Variants in LMNB1 observed in about 807,000 individuals in gnomAD.
LMNB1 encodes lamin B1, also known as lamin-B1.
In LMNB1, 23 loss-of-function variants were observed where a neutral mutation model predicts 67.1. The ratio of observed to expected loss-of-function variants is 0.34; its 90% CI spans 0.25 to 0.49. LMNB1 has a LOEUF of 0.49. Ranked by LOEUF, LMNB1 falls within the 20% of genes least tolerant of loss-of-function variation. The pLI is 0.99. For missense variants in LMNB1, 634 were observed against 746.5 expected (o/e 0.85, Z 1.76); for synonymous variants, 281 against 282.9 (o/e 0.99, Z 0.07).
chr5:126,813,413 CTTCCCAGT>C (rs1751627266), intron 5 of LMNB1, among the ~76,000 whole-genome samples: 2 of 152,184 alleles, frequency 1.3e-5, no homozygotes. Flanking sequence ...TTCTCTACTC[CTTCCCAGT>C]TTTTCCTTTT....
At chr5:126,831,516 A>G (rs1018043451) in intron 9 of LMNB1, among the ~76,000 whole-genome samples, 11 of 152,230 alleles carry the variant, frequency 7.2e-5, no homozygotes, top group African/African-American at 2.4e-4. Context: ...CCTCACTAGT[A>G]CGTTATTGGT....
intron 7 of LMNB1, 95 bp from the exon 8 acceptor site, chr5:126,822,686 T>A: frequency 1.5e-6 from 1 of 673,730 alleles, no homozygotes; most frequent in South Asian, 2.0e-5. Flanking sequence ...TAAAGCGGTC[T>A]TAGTTTAACT....
intron 7 of LMNB1, among the ~76,000 whole-genome samples, chr5:126,822,468 T>C (rs1182268942): frequency 6.6e-6 from 1 of 152,252 alleles, no homozygotes; most frequent in East Asian, 1.9e-4. Flanking sequence ...TTATGACAGC[T>C]AGATAGTGCT....
At chr5:126,819,179 C>T in intron 6 of LMNB1, 37 bp downstream of exon 6, 1 of 1,379,104 alleles carries the variant, frequency 7.3e-7, no homozygotes, top group Non-Finnish European at 1.0e-6. Flanking sequence ...TTATGGTCCA[C>T]TTTTTGCCTC....
chr5:126,812,565 G>C (rs945581949), intron 5 of LMNB1, among the ~76,000 whole-genome samples: 2 of 152,078 alleles, frequency 1.3e-5, no homozygotes, highest in Non-Finnish European at 2.9e-5. Context: ...TGTCAGTGTG[G>C]ACACAAAGTA....
chr5:126,825,936 C>G lies in LMNB1; in HGVS notation c.1492-52C>G. 5 of 1,610,874 alleles carry G rather than the reference C, an allele frequency of 3.1e-6. No homozygotes were observed. In the South Asian group the frequency reaches 5.5e-5, roughly 18 times the overall value. The stretch of plus-strand genomic sequence containing the variant: ...AGTCTCATCGCATTGCTGTCGTTGG[C>G]GTGTGGGAGAACTGGGTTCTGGGTG... On this transcript the variant is annotated intron_variant, in intron 8 of 10. Transcript: ENST00000261366.
chr5:126,819,607 C>G (rs1751811230), intron 6 of LMNB1, among the ~76,000 whole-genome samples: 2 of 151,900 alleles, frequency 1.3e-5, no homozygotes, highest in South Asian at 4.1e-4. Flanking sequence ...TTGCCTACCT[C>G]AGCCTCCTGA....
At chr5:126,820,572 C>CT (rs1480962353) in intron 6 of LMNB1, among the ~76,000 whole-genome samples, 2 of 152,150 alleles carry the variant, frequency 1.3e-5, no homozygotes, top group African/African-American at 4.8e-5. Flanking sequence ...GTCACCCAGG[C>CT]TAGAGTGCAG....
chr5:126,804,695 G>A (rs1751372535), intron 1 of LMNB1, 81 bp from the exon 2 acceptor site: 3 of 1,288,734 alleles, frequency 2.3e-6, no homozygotes, highest in Non-Finnish European at 3.2e-6. Context: ...TACTTCTTTT[G>A]TTTGTCCCTT....
At chr5:126,796,283 T>C (rs76091763) in intron 1 of LMNB1, among the ~76,000 whole-genome samples, 4,341 of 152,196 alleles carry the variant, frequency 0.029, 78 homozygotes, top group Middle Eastern at 0.11. Context: ...CTTATGGTGC[T>C]GACTGATCTC....
At chr5:126,781,523 G>A (rs541896568) in intron 1 of LMNB1, among the ~76,000 whole-genome samples, 1 of 150,620 alleles carries the variant, frequency 6.6e-6, no homozygotes, top group African/African-American at 2.4e-5. Flanking sequence ...TGCAACCTCC[G>A]CCTCCCAGGT....
intron 5 of LMNB1, among the ~76,000 whole-genome samples, chr5:126,814,186 C>T (rs1301651320): frequency 6.6e-6 from 1 of 152,224 alleles, no homozygotes; most frequent in Admixed American, 6.5e-5. Context: ...TGAGCCACTG[C>T]ACCTGGCCTA....
intron 1 of LMNB1, among the ~76,000 whole-genome samples, chr5:126,798,806 C>T (rs986359189): frequency 6.8e-6 from 1 of 146,836 alleles, no homozygotes; most frequent in African/African-American, 2.5e-5. Flanking sequence ...TAACATTTAG[C>T]AAAATAGTCA....
intron 6 of LMNB1, among the ~76,000 whole-genome samples, chr5:126,820,528 T>C (rs1025855984): frequency 6.6e-6 from 1 of 152,096 alleles, no homozygotes; most frequent in African/African-American, 2.4e-5. Flanking sequence ...ATTCTTCTTC[T>C]TATTATTATT....
intron 8 of LMNB1, among the ~76,000 whole-genome samples, chr5:126,824,757 A>T (rs1751953541): frequency 6.6e-6 from 1 of 152,162 alleles, no homozygotes; most frequent in Admixed American, 6.6e-5. Flanking sequence ...CTGATGAAAG[A>T]TCTGGATGCT....
intron 1 of LMNB1, among the ~76,000 whole-genome samples, chr5:126,786,433 T>C (rs1750784713): frequency 6.6e-6 from 1 of 152,166 alleles, no homozygotes; most frequent in African/African-American, 2.4e-5. Flanking sequence ...ACATTATCTT[T>C]TAAGCTCATG....
chr5:126,816,868 G>T (rs1275759421), intron 5 of LMNB1, among the ~76,000 whole-genome samples: 2 of 152,138 alleles, frequency 1.3e-5, no homozygotes, highest in Non-Finnish European at 2.9e-5. Flanking sequence ...GTGGTGTTTG[G>T]TTTAAGATAG....
At chr5:126,829,787 G>A (rs1249940515) in intron 9 of LMNB1, among the ~76,000 whole-genome samples, 1 of 152,030 alleles carries the variant, frequency 6.6e-6, no homozygotes, top group Admixed American at 6.6e-5. Context: ...TAGAGCTCAA[G>A]ACTTCTTCCT....
At position 126,832,704 on chromosome 5, in the gene LMNB1, AAAG is replaced by A; in HGVS notation, c.1626_1628del (p.Arg542del). On this transcript the variant is annotated inframe_deletion, in exon 10 of 11. Transcript: ENST00000261366. ...TACTATTGTTTTTAGGAGGTTGCTC[AAAG>A]AAGTACAGTCTTTAAAACAACCATA... 7 of 1,611,208 alleles carry A rather than the reference AAAG, an allele frequency of 4.3e-6. No homozygotes were observed. Among genetic ancestry groups the A allele is most frequent in the Admixed American group, 1.7e-5 (1 of 59,936 alleles).
Sources: gnomAD v4.1 joint callset for allele counts (sites outside exome capture counted in the v4.1 genomes callset) on GRCh38, gnomAD v4.1.1 for gene constraint, MANE v1.5 for transcripts, NCBI Gene and HGNC (gene_info 2026-07-23, HGNC 2026-07-21) for gene names.